EYA1: variants seen among roughly 807,000 people sequenced by gnomAD.
The protein encoded by EYA1 is EYA transcriptional coactivator and phosphatase 1, also known as protein phosphatase EYA1.
A neutral mutation model predicts 82.0 loss-of-function variants in EYA1; 16 were observed. The ratio of observed to expected loss-of-function variants is 0.20; its 90% CI spans 0.13 to 0.30. The LOEUF (loss-of-function observed/expected upper bound fraction) is 0.30. EYA1 is among the 10% of genes least tolerant of loss of function. The pLI, the probability that EYA1 is intolerant of heterozygous loss-of-function variation, is 1.00. For synonymous variants in EYA1, 261 were observed against 264.4 expected (o/e 0.99, Z 0.12); for missense variants, 633 against 730.7 (o/e 0.87, Z 1.54).
intron 2 of EYA1, among the ~76,000 whole-genome samples, chr8:71,458,991 C>T (rs576046014): frequency 6.6e-6 from 1 of 152,162 alleles, no homozygotes; most frequent in Non-Finnish European, 1.5e-5. Flanking sequence ...ACAGTGGCGG[C>T]TCATGGTCTT....
chr8:71,378,241 C>T (rs1238349949), intron 2 of EYA1, among the ~76,000 whole-genome samples: 3 of 152,046 alleles, frequency 2.0e-5, no homozygotes, highest in South Asian at 4.2e-4. Flanking sequence ...TGCAGGGAGG[C>T]TAAGGAAGAT....
intron 2 of EYA1, among the ~76,000 whole-genome samples, chr8:71,477,299 A>G (rs1397232928): frequency 2.0e-5 from 3 of 152,180 alleles, no homozygotes; most frequent in Non-Finnish European, 4.4e-5. Context: ...GAATACAGAA[A>G]ATATTTGCAC....
At chr8:71,330,085 C>A (rs573461041) in intron 4 of EYA1, among the ~76,000 whole-genome samples, 1 of 152,076 alleles carries the variant, frequency 6.6e-6, no homozygotes, top group Non-Finnish European at 1.5e-5. Flanking sequence ...GTAAGCAAGG[C>A]GGGCAGGCAA....
intron 2 of EYA1, among the ~76,000 whole-genome samples, chr8:71,526,713 G>A (rs1011747181): frequency 3.3e-5 from 5 of 152,226 alleles, no homozygotes; most frequent in African/African-American, 7.2e-5. Flanking sequence ...ACAGAGAGCA[G>A]GGAGAAAGCC....
At chr8:71,248,045 A>G (rs924944718) in intron 11 of EYA1, among the ~76,000 whole-genome samples, 2 of 152,262 alleles carry the variant, frequency 1.3e-5, no homozygotes, top group Non-Finnish European at 2.9e-5. Context: ...AATATATAGC[A>G]TACTTTAACT....
intron 2 of EYA1, among the ~76,000 whole-genome samples, chr8:71,462,600 G>A (rs1052439891): frequency 9.2e-5 from 14 of 152,294 alleles, no homozygotes; most frequent in African/African-American, 2.2e-4. Context: ...GGCAGGCTCC[G>A]GGGGATTCCT....
In EYA1 at chr8:71,512,263, G is replaced by A. The variant is rs576813323; in HGVS notation, c.33+23481C>T. 2.6e-5 allele frequency among the ~76,000 whole-genome samples: 4 copies of A among 152,160 alleles called. No homozygotes were observed. The South Asian group carries it at 8.3e-4, about 32-fold the overall frequency. On this transcript the variant is annotated intron_variant, in intron 2 of 18. Transcript: ENST00000643681. ...TCTAAGCTAATTGGTGTTCAAAGCT[G>A]AATTTCAGAAAGATGTCCAATAGAC...
chr8:71,396,137 A>G (rs527727614), intron 2 of EYA1, among the ~76,000 whole-genome samples: 2 of 152,086 alleles, frequency 1.3e-5, no homozygotes, highest in East Asian at 3.9e-4. Context: ...CGGTGGTGAT[A>G]TCCCCTTTCT....
intron 9 of EYA1, among the ~76,000 whole-genome samples, chr8:71,290,255 C>T (rs1344944213): frequency 6.6e-6 from 1 of 152,168 alleles, no homozygotes; most frequent in East Asian, 1.9e-4. Context: ...AGATGGCAAA[C>T]ACTCATAACT....
intron 2 of EYA1, among the ~76,000 whole-genome samples, chr8:71,418,871 T>C (rs1305832656): frequency 1.3e-5 from 2 of 152,102 alleles, no homozygotes. Context: ...TCTGATAAGA[T>C]GACATTTGGA....
At chr8:71,272,717 C>G (rs1816694958) in intron 9 of EYA1, among the ~76,000 whole-genome samples, 2 of 152,172 alleles carry the variant, frequency 1.3e-5, no homozygotes, top group South Asian at 2.1e-4. Flanking sequence ...TTACTCACAC[C>G]AATTTTGTAC....
At chr8:71,371,877 G>A (rs1828102370) in intron 2 of EYA1, among the ~76,000 whole-genome samples, 1 of 151,866 alleles carries the variant, frequency 6.6e-6, no homozygotes, top group Non-Finnish European at 1.5e-5. Context: ...ACTCAATACG[G>A]GTTGAAAAAT....
chr8:71,510,014 A>G (rs1426573899), intron 2 of EYA1, among the ~76,000 whole-genome samples: 1 of 151,124 alleles, frequency 6.6e-6, no homozygotes, highest in African/African-American at 2.4e-5. Context: ...ATAATATAGT[A>G]CCCTACCCTC....
At chr8:71,488,510 A>G (rs1181931824) in intron 2 of EYA1, among the ~76,000 whole-genome samples, 1 of 152,224 alleles carries the variant, frequency 6.6e-6, no homozygotes, top group East Asian at 1.9e-4. Flanking sequence ...CAATTTATAT[A>G]TGCATCCCAC....
chr8:71,466,021 G>A (rs1423612845), intron 2 of EYA1, among the ~76,000 whole-genome samples: 1 of 152,086 alleles, frequency 6.6e-6, no homozygotes. Context: ...CCCTAGATGG[G>A]CAACTGAAAT....
At chr8:71,533,219 C>T (rs558241870) in intron 2 of EYA1, among the ~76,000 whole-genome samples, 2 of 152,318 alleles carry the variant, frequency 1.3e-5, no homozygotes, top group East Asian at 1.9e-4. Context: ...TACACGGCTA[C>T]ATCCATTTGT....
At position 71,237,662 on chromosome 8, in the gene EYA1, A is replaced by C. The variant is rs187295882; in HGVS notation, c.1140+6941T>G. On this transcript the variant is annotated intron_variant, in intron 12 of 17. Transcript: ENST00000340726. ...CGATTTATATTTCCATAAGACAGTC[A>C]ACATATATTTCCATTATTTATGCAA... Among the ~76,000 whole-genome samples the C allele has an allele frequency of 9.1e-4, 138 of 152,322 alleles. 1 individual carries two copies. Among genetic ancestry groups the C allele is most frequent in the Admixed American group, 2.4e-3 (37 of 15,306 alleles).
At chr8:71,520,080 T>C (rs929767316) in intron 2 of EYA1, among the ~76,000 whole-genome samples, 7 of 152,234 alleles carry the variant, frequency 4.6e-5, no homozygotes, top group East Asian at 1.9e-4. Flanking sequence ...ATCCAAGTCA[T>C]AGCAGAAAAG....
chr8:71,420,346 A>G (rs1339799621), intron 2 of EYA1, among the ~76,000 whole-genome samples: 1 of 152,208 alleles, frequency 6.6e-6, no homozygotes, highest in Non-Finnish European at 1.5e-5. Context: ...TTGTCATTTT[A>G]TCATTGCTTA....
Sources: allele counts gnomAD v4.1 joint callset (sites outside exome capture counted in the v4.1 genomes callset), GRCh38; gene constraint gnomAD v4.1.1; transcripts MANE v1.5; gene names NCBI Gene and HGNC (gene_info 2026-07-23, HGNC 2026-07-21).